IGSF21: variants seen among roughly 807,000 people sequenced by gnomAD.
IGSF21 encodes the protein immunoglobulin superfamily member 21.
In IGSF21, 28 loss-of-function variants were observed where a neutral mutation model predicts 46.8. The observed-to-expected ratio is 0.60, with a 90% confidence interval of 0.44 to 0.82. The LOEUF is 0.82. IGSF21 is among the 40% of genes least tolerant of loss of function. The pLI is 0.00. For missense variants in IGSF21, 624 were observed against 665.5 expected (o/e 0.94, Z 0.69); for synonymous variants, 284 against 273.6 (o/e 1.04, Z -0.38).
chr1:18,358,557 C>T (rs748131578), intron 4 of IGSF21, among the ~76,000 whole-genome samples: 3 of 152,234 alleles, frequency 2.0e-5, no homozygotes, highest in Non-Finnish European at 4.4e-5. Flanking sequence ...CTGATCTCCT[C>T]ACTAAACTGT....
In IGSF21 at chr1:18,208,507, G is replaced by A. The variant is rs191232151; in HGVS notation, c.71-19391G>A. Among the ~76,000 whole-genome samples the A allele has an allele frequency of 9.6e-5, 14 of 145,806 alleles. No individual in the cohort carries two copies. In the East Asian group the frequency reaches 2.4e-3, roughly 25 times the overall value. On this transcript the variant is annotated intron_variant, in intron 1 of 9. Transcript: ENST00000251296. Reference sequence around the variant, plus strand: ...CGCCATTCTCCTGCCTCAGCCTCCCGAGCAGCTGGGACTACAGGAGCCCAC... The same window carrying A: ...CGCCATTCTCCTGCCTCAGCCTCCCAAGCAGCTGGGACTACAGGAGCCCAC...
At chr1:18,374,291 G>A (rs1464680711) in intron 6 of IGSF21, among the ~76,000 whole-genome samples, 1 of 152,188 alleles carries the variant, frequency 6.6e-6, no homozygotes, top group African/African-American at 2.4e-5. Flanking sequence ...TCAAAGGCTG[G>A]AAGGCTAAAT....
At chr1:18,178,181 C>T (rs1051894043) in intron 1 of IGSF21, among the ~76,000 whole-genome samples, 5 of 152,178 alleles carry the variant, frequency 3.3e-5, no homozygotes, top group South Asian at 2.1e-4. Flanking sequence ...TTCCCTCCAT[C>T]GTGTCCTGTT....
At chr1:18,118,699 G>A (rs2085281) in intron 1 of IGSF21, among the ~76,000 whole-genome samples, 1 of 152,098 alleles carries the variant, frequency 6.6e-6, no homozygotes, top group African/African-American at 2.4e-5. Context: ...GCATCAGAAG[G>A]CCAATTCCTA....
In IGSF21 at chr1:18,377,406, C is replaced by G; in HGVS notation, c.1308C>G (p.Ile436Met). ...TRLIVFENPN[I>M]PRGTEDSNGS... ...TCTTTCCAACAGAAAACCCAAATAT[C>G]CCAAGAGGAACGGAGGACTCTAATG... Residue 436 changes from isoleucine (I) to methionine (M), a missense_variant, in exon 9 of 10, where the codon ATC becomes ATG. Transcript: ENST00000251296. The G allele has an allele frequency of 5.0e-6, 8 of 1,613,684 alleles. No individual in the cohort carries two copies. Among genetic ancestry groups the G allele is most frequent in the Non-Finnish European group, 6.8e-6 (8 of 1,179,582 alleles).
In IGSF21 at chr1:18,199,603, G is replaced by A. The variant is rs1468150219; in HGVS notation, c.71-28295G>A. 3.3e-5 allele frequency among the ~76,000 whole-genome samples: 5 copies of A among 152,212 alleles called. No individual in the cohort carries two copies. The East Asian group carries it at 9.7e-4, about 29-fold the overall frequency. On this transcript the variant is annotated intron_variant, in intron 1 of 9. Transcript: ENST00000251296. The stretch of plus-strand genomic sequence containing the variant: ...TTTGGCCATCTGCATGTGCGTGATG[G>A]GAAGCTGTGCCTGTGCCTCTCCTCG...
chr1:18,235,276 C>T (rs2084662451), intron 2 of IGSF21, among the ~76,000 whole-genome samples: 1 of 152,288 alleles, frequency 6.6e-6, no homozygotes, highest in Non-Finnish European at 1.5e-5. Context: ...AACATTAATT[C>T]AACACATATT....
chr1:18,161,899 C>T (rs1340139545), intron 1 of IGSF21, among the ~76,000 whole-genome samples: 1 of 152,130 alleles, frequency 6.6e-6, no homozygotes, highest in Non-Finnish European at 1.5e-5. Flanking sequence ...TTGGGCAGGG[C>T]ACTTAACGTC....
chr1:18,232,208 G>GTTTTTTTTTTTTT (rs1569586272), intron 2 of IGSF21, among the ~76,000 whole-genome samples: 1 of 6,394 alleles, frequency 1.6e-4, no homozygotes, highest in African/African-American at 2.9e-4. Flanking sequence ...GCTCCAGACA[G>GTTTTTTTTTTTTT]CTTTTTTTTG....
At chr1:18,150,131 T>C (rs1197901900) in intron 1 of IGSF21, among the ~76,000 whole-genome samples, 2 of 152,128 alleles carry the variant, frequency 1.3e-5, no homozygotes, top group African/African-American at 4.8e-5. Flanking sequence ...CATATGCCTG[T>C]AATCCCAGCT....
chr1:18,156,603 G>A lies in IGSF21; in HGVS notation c.70+48405G>A, dbSNP rs146670447. ...CATTGATCCCCTGTACTGAGGATAC[G>A]GAGAGAGGTCTGTGGCATTCTGGGT... is the stretch of plus-strand genomic sequence containing the variant. On this transcript the variant is annotated intron_variant, in intron 1 of 9. Transcript: ENST00000251296. 8.6e-3 allele frequency among the ~76,000 whole-genome samples: 1,309 copies of A among 152,274 alleles called. 8 individuals carry two copies. Among genetic ancestry groups the A allele is most frequent in the Middle Eastern group, 0.037 (11 of 294 alleles).
chr1:18,206,022 A>G (rs992643493), intron 1 of IGSF21, among the ~76,000 whole-genome samples: 3 of 152,234 alleles, frequency 2.0e-5, no homozygotes, highest in South Asian at 2.1e-4. Flanking sequence ...AAAATAGACA[A>G]AACCCATCCC....
In IGSF21 at chr1:18,297,696, A is replaced by G. The variant is rs2085324846; in HGVS notation, c.305+5709A>G. Among the ~76,000 whole-genome samples the G allele has an allele frequency of 2.6e-5, 4 of 152,184 alleles. No individual in the cohort carries two copies. The South Asian group carries it at 8.3e-4, about 31-fold the overall frequency. ...CAGCATCTGCACATCACCCACGCAC[A>G]TCCACCTGGATCCTTTAAAGCATCT... On this transcript the variant is annotated intron_variant, in intron 3 of 9. Coordinates refer to ENST00000251296, the MANE Select transcript of IGSF21 (RefSeq NM_032880.5).
chr1:18,187,874 G>C (rs2086918989), intron 1 of IGSF21, among the ~76,000 whole-genome samples: 1 of 152,144 alleles, frequency 6.6e-6, no homozygotes, highest in African/African-American at 2.4e-5. Flanking sequence ...ACAGTCCTTG[G>C]TAGTAAGCGG....
chr1:18,170,448 G>A (rs1476956293), intron 1 of IGSF21, among the ~76,000 whole-genome samples: 3 of 151,720 alleles, frequency 2.0e-5, no homozygotes, highest in Non-Finnish European at 2.9e-5. Flanking sequence ...AGAGTGCCAG[G>A]TCCCACTTCC....
At chr1:18,296,072 A>G (rs1029343005) in intron 3 of IGSF21, among the ~76,000 whole-genome samples, 6 of 152,144 alleles carry the variant, frequency 3.9e-5, no homozygotes, top group Non-Finnish European at 8.8e-5. Context: ...AGAAGGGGGG[A>G]CATTGAGAAA....
intron 1 of IGSF21, among the ~76,000 whole-genome samples, chr1:18,182,892 C>T (rs529171337): frequency 4.6e-5 from 7 of 152,146 alleles, no homozygotes; most frequent in Admixed American, 3.3e-4. Flanking sequence ...CTCCAGGCCC[C>T]GCTGCCCTCA....
chr1:18,242,909 G>T (rs146067941), intron 2 of IGSF21, among the ~76,000 whole-genome samples: 1 of 152,312 alleles, frequency 6.6e-6, no homozygotes, highest in Non-Finnish European at 1.5e-5. Context: ...CATGTGACCC[G>T]CACCCTTGTC....
At chr1:18,282,456 C>T (rs1399859392) in intron 2 of IGSF21, among the ~76,000 whole-genome samples, 1 of 151,998 alleles carries the variant, frequency 6.6e-6, no homozygotes, top group Non-Finnish European at 1.5e-5. Context: ...CGGGGTGCTG[C>T]ATGGGAGGTG....
Sources: gnomAD v4.1 joint callset for allele counts (sites outside exome capture counted in the v4.1 genomes callset) on GRCh38, gnomAD v4.1.1 for gene constraint, MANE v1.5 for transcripts, NCBI Gene and HGNC (gene_info 2026-07-23, HGNC 2026-07-21) for gene names.